Variants in SLC22A25 observed in about 807,000 individuals in gnomAD.
SLC22A25 encodes the protein MGI:2442751, MGI:2385316, MGI:3042283, MGI:3645714, MGI:3605624, MGI:2442750.
Under a neutral mutation model 45.9 loss-of-function variants are expected in SLC22A25, and 44 were observed. That is an observed-to-expected ratio of 0.96 (90% CI 0.75 to 1.23). The LOEUF is 1.23. Among genes scored for constraint, SLC22A25 ranks in the 50% most tolerant of loss-of-function variants. SLC22A25 has a pLI of 0.00. For missense variants in SLC22A25, 800 were observed against 666.4 expected (o/e 1.20, Z -2.21); for synonymous variants, 283 against 238.6 (o/e 1.19, Z -1.72).
At chr11:63,236,599 G>A (rs572575005) in intron 3 of SLC22A25, among the ~76,000 whole-genome samples, 1 of 152,222 alleles carries the variant, frequency 6.6e-6, no homozygotes, top group East Asian at 1.9e-4. Context: ...CCTGGGTGAG[G>A]TGATGCCTCA....
At chr11:63,224,887 C>T (rs2089926398) in intron 5 of SLC22A25, among the ~76,000 whole-genome samples, 1 of 152,118 alleles carries the variant, frequency 6.6e-6, no homozygotes, top group Non-Finnish European at 1.5e-5. Flanking sequence ...AACTTGAGGT[C>T]AGGAGATGGA....
At chr11:63,166,342 C>G in intron 9 of SLC22A25, 84 bp from the exon 10 acceptor site, 1 of 1,523,488 alleles carries the variant, frequency 6.6e-7, no homozygotes, top group Non-Finnish European at 8.8e-7. Context: ...CCCAGGTAGC[C>G]AAGGACTCTT....
chr11:63,189,644 G>A (rs1429202793), intron 7 of SLC22A25, among the ~76,000 whole-genome samples: 2 of 152,142 alleles, frequency 1.3e-5, no homozygotes, highest in African/African-American at 4.8e-5. Context: ...TAGCATCGAT[G>A]GTCTTTACAA....
Position 63,229,270 on chromosome 11 carries a change from G to A in SLC22A25, c.383C>T (p.Pro128Leu). Reference sequence around the variant, plus strand: ...TCTTACCTTAGTCACAATGGTGGAAGGGAAGGAGCTTTGGTCATATACCCA... The same window carrying A: ...TCTTACCTTAGTCACAATGGTGGAAAGGAAGGAGCTTTGGTCATATACCCA... The part of the protein sequence containing the change: ...DGWVYDQSSF[P>L]STIVTKWDLV... The change falls in exon 4 of 12, where the codon CCT becomes CTT. Residue 128 changes from proline (P) to leucine (L), a missense_variant. Pro to Leu is a moderately conservative substitution (Grantham distance 98). Transcript: ENST00000306494. 11 of 1,538,922 alleles carry A rather than the reference G, an allele frequency of 7.1e-6. No individual in the cohort carries two copies. The highest frequency in any genetic ancestry group is 8.8e-6 in the Non-Finnish European group (10 of 1,140,154).
chr11:63,229,706 G>T lies in SLC22A25; in HGVS notation c.-54C>A. 6.5e-7 allele frequency: 1 copy of T among 1,526,820 alleles called. No individual in the cohort carries two copies. The highest frequency in any genetic ancestry group is 8.9e-7 in the Non-Finnish European group (1 of 1,125,806). The allele number at this position is 1,526,820 out of a possible 1,614,324, so 94.6% of individuals were successfully genotyped here. ...AGACAAAATGACTGTATCCAGATAAGTTCAAAGAGAAAATATTTCCTTTCC... is the reference window on the plus strand; with the variant it reads ...AGACAAAATGACTGTATCCAGATAATTTCAAAGAGAAAATATTTCCTTTCC... On this transcript the variant is annotated 5_prime_UTR_variant, in exon 4 of 12. Coordinates refer to ENST00000306494, the MANE Select transcript of SLC22A25 (RefSeq NM_199352.6).
At chr11:63,173,366 C>T (rs550194016) in intron 9 of SLC22A25, among the ~76,000 whole-genome samples, 1 of 151,968 alleles carries the variant, frequency 6.6e-6, no homozygotes, top group East Asian at 1.9e-4. Flanking sequence ...CACATGTATC[C>T]CAGAACTTAA....
intron 7 of SLC22A25, among the ~76,000 whole-genome samples, chr11:63,188,075 G>A (rs1395519952): frequency 1.3e-5 from 2 of 152,194 alleles, no homozygotes; most frequent in Non-Finnish European, 2.9e-5. Flanking sequence ...GAGTTAGGGA[G>A]GATTCCCTTT....
At chr11:63,177,167 CT>C (rs2088119301) in intron 9 of SLC22A25, among the ~76,000 whole-genome samples, 1 of 151,782 alleles carries the variant, frequency 6.6e-6, no homozygotes, top group South Asian at 2.1e-4. Flanking sequence ...TTTCAAAATT[CT>C]TTTCTTTTGA....
intron 4 of SLC22A25, 85 bp from the exon 5 acceptor site, chr11:63,228,649 T>A (rs1195376231): frequency 2.1e-6 from 2 of 961,870 alleles, no homozygotes; most frequent in East Asian, 2.5e-5. Flanking sequence ...CCTGCAAGTT[T>A]CATTCTATCT....
chr11:63,211,624 C>T (rs1490453259), intron 7 of SLC22A25, among the ~76,000 whole-genome samples: 3 of 152,252 alleles, frequency 2.0e-5, no homozygotes, highest in Admixed American at 6.5e-5. Context: ...ATGTAGAAAG[C>T]TGAAACTGGA....
intron 7 of SLC22A25, among the ~76,000 whole-genome samples, chr11:63,215,935 A>G (rs1175357078): frequency 6.6e-6 from 1 of 152,222 alleles, no homozygotes; most frequent in Non-Finnish European, 1.5e-5. Flanking sequence ...ATGTTCCTGC[A>G]AAAGACATAC....
chr11:63,210,682 G>T (rs908259258), intron 7 of SLC22A25, among the ~76,000 whole-genome samples: 1 of 152,128 alleles, frequency 6.6e-6, no homozygotes, highest in Admixed American at 6.5e-5. Flanking sequence ...ATGGAAGTAG[G>T]GGGCCGATTA....
In SLC22A25 at chr11:63,160,729, G is replaced by A. The variant is rs2134699952; in HGVS notation, c.*3095C>T. 6.6e-6 allele frequency among the ~76,000 whole-genome samples: 1 copy of A among 152,264 alleles called. No homozygotes were observed. Among genetic ancestry groups the A allele is most frequent in the East Asian group, 1.9e-4 (1 of 5,186 alleles). ...CACTCAATGCCAGGTCACAAAAGCA[G>A]CCAGGAGGGAGGCTGTACCCTGCAA... On this transcript the variant is annotated 3_prime_UTR_variant, in exon 12 of 12. Transcript: ENST00000306494.
chr11:63,173,977 G>A (rs2087990474), intron 9 of SLC22A25, among the ~76,000 whole-genome samples: 1 of 149,964 alleles, frequency 6.7e-6, no homozygotes. Flanking sequence ...AGGTATACAA[G>A]TGCCATGGTG....
At chr11:63,206,235 G>T (rs1299167305) in intron 7 of SLC22A25, among the ~76,000 whole-genome samples, 1 of 152,102 alleles carries the variant, frequency 6.6e-6, no homozygotes, top group East Asian at 1.9e-4. Context: ...CAAGATGAGG[G>T]TGGTGTCTCT....
intron 3 of SLC22A25, among the ~76,000 whole-genome samples, chr11:63,230,804 C>A (rs1305814360): frequency 6.6e-6 from 1 of 152,160 alleles, no homozygotes; most frequent in African/African-American, 2.4e-5. Flanking sequence ...TCCCCCATCC[C>A]CTAACCCCAA....
chr11:63,232,297 C>G (rs974517249), intron 3 of SLC22A25, among the ~76,000 whole-genome samples: 7 of 152,122 alleles, frequency 4.6e-5, no homozygotes, highest in African/African-American at 1.7e-4. Context: ...TTTGTATCCT[C>G]TTTTATTTGA....
intron 7 of SLC22A25, among the ~76,000 whole-genome samples, chr11:63,190,039 T>C (rs965041351): frequency 1.3e-5 from 2 of 152,136 alleles, no homozygotes; most frequent in African/African-American, 2.4e-5. Context: ...TTGCTCTTCT[T>C]GAGGAGTATC....
chr11:63,209,898 A>AC (rs1394049698), intron 7 of SLC22A25, among the ~76,000 whole-genome samples: 1 of 152,146 alleles, frequency 6.6e-6, no homozygotes, highest in Non-Finnish European at 1.5e-5. Flanking sequence ...CCCAGAGGCC[A>AC]CCCCTAACCC....
Sources: allele counts gnomAD v4.1 joint callset (sites outside exome capture counted in the v4.1 genomes callset), GRCh38; gene constraint gnomAD v4.1.1; transcripts MANE v1.5; gene names NCBI Gene and HGNC (gene_info 2026-07-23, HGNC 2026-07-21).